Variants in GFRA1 observed in about 807,000 individuals in gnomAD.
GFRA1 encodes GDNF family receptor alpha-1.
Under a neutral mutation model 51.6 loss-of-function variants are expected in GFRA1, and 16 were observed. The ratio of observed to expected loss-of-function variants is 0.31; its 90% CI spans 0.21 to 0.47. GFRA1 has a LOEUF of 0.47. Among genes scored for constraint, GFRA1 ranks in the 20% least tolerant of loss-of-function variants. The pLI is 1.00. For synonymous variants in GFRA1, 270 were observed against 241.3 expected (o/e 1.12, Z -1.10); for missense variants, 530 against 594.3 (o/e 0.89, Z 1.13).
Position 116,177,503 on chromosome 10 carries a change from C to T in GFRA1, c.433+34128G>A, listed in dbSNP as rs538430907. 3.9e-5 allele frequency among the ~76,000 whole-genome samples: 6 copies of T among 152,168 alleles called. No homozygotes were observed. The South Asian group carries it at 1.0e-3, about 26-fold the overall frequency. The stretch of plus-strand genomic sequence containing the variant: ...AGAGAGAAGCATTAGAAATAAGGAC[C>T]TGGAGCTTGGGAGGAGGGTCTTGGC... On this transcript the variant is annotated intron_variant, in intron 5 of 10. Coordinates refer to ENST00000355422, the MANE Select transcript of GFRA1 (RefSeq NM_005264.8).
chr10:116,177,980 C>T (rs543024513), intron 5 of GFRA1, among the ~76,000 whole-genome samples: 6 of 152,322 alleles, frequency 3.9e-5, no homozygotes, highest in South Asian at 2.1e-4. Context: ...TATCCACTAA[C>T]GGCAGAGTCC....
intron 4 of GFRA1, among the ~76,000 whole-genome samples, chr10:116,265,368 C>A (rs1420304234): frequency 1.3e-5 from 2 of 152,188 alleles, no homozygotes; most frequent in Admixed American, 1.3e-4. Flanking sequence ...GAAGGCCTGG[C>A]ATCTCCTGAC....
chr10:116,203,913 A>C (rs953064631), intron 5 of GFRA1, among the ~76,000 whole-genome samples: 1 of 152,240 alleles, frequency 6.6e-6, no homozygotes, highest in African/African-American at 2.4e-5. Flanking sequence ...GACACTATGC[A>C]ATTGGCCTCT....
intron 6 of GFRA1, among the ~76,000 whole-genome samples, chr10:116,121,295 TC>T (rs1481648745): frequency 7.9e-5 from 12 of 152,184 alleles, no homozygotes; most frequent in African/African-American, 2.6e-4. Flanking sequence ...AGGCACTGCT[TC>T]GGGGGAAGAC....
intron 9 of GFRA1, 51 bp downstream of exon 9, chr10:116,089,690 C>T (rs571985230): frequency 2.0e-6 from 3 of 1,466,188 alleles, no homozygotes; most frequent in South Asian, 1.1e-5. Context: ...CCGTGTTTCA[C>T]CCCCCCACCA....
At chr10:116,155,562 T>C (rs959882073) in intron 5 of GFRA1, among the ~76,000 whole-genome samples, 1 of 152,188 alleles carries the variant, frequency 6.6e-6, no homozygotes, top group Non-Finnish European at 1.5e-5. Flanking sequence ...TAAAAGATGA[T>C]TGTACATATC....
chr10:116,176,945 T>TAA (rs763943469), intron 5 of GFRA1, among the ~76,000 whole-genome samples: 3 of 152,194 alleles, frequency 2.0e-5, no homozygotes, highest in Non-Finnish European at 2.9e-5. Flanking sequence ...AAGGAACTTT[T>TAA]AAGCTGGTCT....
At chr10:116,251,300 CT>C (rs528398335) in intron 4 of GFRA1, among the ~76,000 whole-genome samples, 78 of 152,320 alleles carry the variant, frequency 5.1e-4, no homozygotes, top group Non-Finnish European at 8.4e-4. Context: ...TCCAAAGAAT[CT>C]TGACAAAGCT....
At position 116,271,996 on chromosome 10, in the gene GFRA1, G is replaced by A. The variant is rs1843987399; in HGVS notation, c.34C>T (p.Leu12Phe). 10 of 1,556,850 alleles carry A rather than the reference G, an allele frequency of 6.4e-6. 1 individual carries two copies. Among genetic ancestry groups the A allele is most frequent in the Non-Finnish European group, 8.7e-6 (10 of 1,150,740 alleles). The change falls in exon 2 of 11, where the codon CTC (leucine) becomes TTC (phenylalanine). Residue 12 changes from leucine (L) to phenylalanine (F), a missense_variant. Leu to Phe is a conservative substitution (Grantham distance 22, BLOSUM62 0). Transcript: ENST00000355422. ...GCGGCGGGCCTCGACTTACCCAAGA[G>A]CGGCAGCGCGAAGTACAGGGTCGCC... ...FLATLYFALP[L>F]LDLLLSAEVS...
intron 5 of GFRA1, among the ~76,000 whole-genome samples, chr10:116,207,441 G>A (rs1964864322): frequency 6.6e-6 from 1 of 152,140 alleles, no homozygotes; most frequent in South Asian, 2.1e-4. Flanking sequence ...ATTCCTGCCT[G>A]GCCTCACTCT....
At chr10:116,182,362 A>G (rs1756851224) in intron 5 of GFRA1, among the ~76,000 whole-genome samples, 1 of 152,228 alleles carries the variant, frequency 6.6e-6, no homozygotes, top group South Asian at 2.1e-4. Context: ...TTTAGTTAAG[A>G]GCAAATATTT....
rs1589755935 is a variant in GFRA1, at chr10:116,062,661, G to A, written c.*1737C>T. On this transcript the variant is annotated 3_prime_UTR_variant, in exon 11 of 11. Transcript: ENST00000355422. ...TCTCTTCTACCAATGTGGGAAGAAAGCCAATGCTTCCCAGCACTTTCTGAA... is the reference window on the plus strand; with the variant it reads ...TCTCTTCTACCAATGTGGGAAGAAAACCAATGCTTCCCAGCACTTTCTGAA... The A allele has an allele frequency of 6.6e-6, 1 of 152,330 alleles. No homozygotes were observed. Among genetic ancestry groups the A allele is most frequent in the South Asian group, 2.1e-4 (1 of 4,822 alleles). The allele number at this position is 152,330 out of a possible 1,614,324, so 9.4% of individuals were successfully genotyped here.
At chr10:116,099,538 C>G (rs1565574714) in intron 6 of GFRA1, among the ~76,000 whole-genome samples, 1 of 152,124 alleles carries the variant, frequency 6.6e-6, no homozygotes. Context: ...AAGAAAAGAG[C>G]TCCACTCCCC....
chr10:116,078,081 C>G (rs914370380), intron 9 of GFRA1, among the ~76,000 whole-genome samples: 1 of 152,182 alleles, frequency 6.6e-6, no homozygotes, highest in Non-Finnish European at 1.5e-5. Flanking sequence ...AATCATAAGG[C>G]CTGGCCCCCA....
chr10:116,207,566 G>A (rs185338965), intron 5 of GFRA1, among the ~76,000 whole-genome samples: 4 of 152,178 alleles, frequency 2.6e-5, no homozygotes, highest in Non-Finnish European at 5.9e-5. Context: ...TTGGAATTTG[G>A]TGTCTTTCCT....
chr10:116,254,820 C>T (rs550195954), intron 4 of GFRA1, among the ~76,000 whole-genome samples: 3 of 152,282 alleles, frequency 2.0e-5, no homozygotes, highest in South Asian at 2.1e-4. Flanking sequence ...CTCAGAAAAC[C>T]GCCACATGAC....
At chr10:116,174,948 G>A (rs191538215) in intron 5 of GFRA1, among the ~76,000 whole-genome samples, 146 of 152,214 alleles carry the variant, frequency 9.6e-4, no homozygotes, top group African/African-American at 3.4e-3. Flanking sequence ...TGATGAGAAA[G>A]GCCCCACCAC....
At chr10:116,218,710 C>G (rs745350794) in intron 4 of GFRA1, among the ~76,000 whole-genome samples, 6 of 152,180 alleles carry the variant, frequency 3.9e-5, no homozygotes, top group Admixed American at 6.5e-5. Context: ...AACAGAGCCC[C>G]GGTGAGCCTT....
intron 6 of GFRA1, among the ~76,000 whole-genome samples, chr10:116,109,676 A>G (rs1957131140): frequency 6.6e-6 from 1 of 152,108 alleles, no homozygotes. Context: ...AGAAACCCGC[A>G]TCCCCAAGCA....
Sources: gnomAD v4.1 joint callset for allele counts (sites outside exome capture counted in the v4.1 genomes callset) on GRCh38, gnomAD v4.1.1 for gene constraint, MANE v1.5 for transcripts, NCBI Gene and HGNC (gene_info 2026-07-23, HGNC 2026-07-21) for gene names.